Variants in ERBB4 observed in about 807,000 individuals in gnomAD.
ERBB4 encodes the protein erb-b2 receptor tyrosine kinase 4, also known as receptor tyrosine-protein kinase erbB-4.
A neutral mutation model predicts 158.0 loss-of-function variants in ERBB4; 42 were observed. The observed-to-expected ratio is 0.27, with a 90% CI of 0.21 to 0.34. ERBB4 has a LOEUF of 0.34. Among genes scored for constraint, ERBB4 ranks in the 10% least tolerant of loss-of-function variants. The probability of loss-of-function intolerance (pLI) is 1.00; values close to 1 mark genes in which losing one functional copy is unlikely to be tolerated. For missense variants in ERBB4, 1,333 were observed against 1,624.1 expected (o/e 0.82, Z 3.08); for synonymous variants, 583 against 558.7 (o/e 1.04, Z -0.61).
intron 1 of ERBB4, among the ~76,000 whole-genome samples, chr2:212,222,266 G>A (rs1344343096): frequency 6.6e-6 from 1 of 151,336 alleles, no homozygotes; most frequent in Admixed American, 6.6e-5. Context: ...ACGGGTTAAT[G>A]GTCAAAATCA....
At chr2:212,228,563 C>G (rs931643720) in intron 1 of ERBB4, among the ~76,000 whole-genome samples, 1 of 152,036 alleles carries the variant, frequency 6.6e-6, no homozygotes, top group South Asian at 2.1e-4. Context: ...TAGCACTGCC[C>G]AGAATTATAA....
chr2:212,345,293 C>T (rs1008678229), intron 1 of ERBB4, among the ~76,000 whole-genome samples: 6 of 108,880 alleles, frequency 5.5e-5, no homozygotes, highest in Admixed American at 1.8e-4. Context: ...AAACACATTG[C>T]CTAGCATGTA....
At chr2:211,537,663 C>T (rs373589476) in intron 20 of ERBB4, among the ~76,000 whole-genome samples, 4 of 151,992 alleles carry the variant, frequency 2.6e-5, no homozygotes, top group African/African-American at 9.6e-5. Flanking sequence ...AAGATAAATA[C>T]AGCTTCCAAA....
At chr2:212,037,761 T>G (rs904640857) in intron 2 of ERBB4, among the ~76,000 whole-genome samples, 1 of 152,204 alleles carries the variant, frequency 6.6e-6, no homozygotes, top group Non-Finnish European at 1.5e-5. Flanking sequence ...AATTAAAAAT[T>G]AATCTTTTCT....
At chr2:211,557,598 T>C (rs1414289396) in intron 20 of ERBB4, among the ~76,000 whole-genome samples, 1 of 151,482 alleles carries the variant, frequency 6.6e-6, no homozygotes, top group East Asian at 1.9e-4. Flanking sequence ...GCTGGTGAGG[T>C]TGTGATGAAA....
At chr2:212,178,881 G>A (rs2081764223) in intron 1 of ERBB4, among the ~76,000 whole-genome samples, 1 of 151,598 alleles carries the variant, frequency 6.6e-6, no homozygotes, top group South Asian at 2.1e-4. Context: ...CTAGATAAAG[G>A]TATTGCAAAC....
chr2:212,316,108 T>A (rs752122617), intron 1 of ERBB4, among the ~76,000 whole-genome samples: 1 of 151,490 alleles, frequency 6.6e-6, no homozygotes, highest in Non-Finnish European at 1.5e-5. Context: ...AAAACAATTA[T>A]CCCTGAGAAA....
chr2:211,868,809 T>A (rs2078271751), intron 3 of ERBB4, among the ~76,000 whole-genome samples: 2 of 151,982 alleles, frequency 1.3e-5, no homozygotes, highest in Admixed American at 1.3e-4. Flanking sequence ...TCACTGGATC[T>A]CTCAATATTT....
At chr2:211,540,581 G>T (rs963741439) in intron 20 of ERBB4, among the ~76,000 whole-genome samples, 1 of 149,904 alleles carries the variant, frequency 6.7e-6, no homozygotes, top group East Asian at 2.0e-4. Flanking sequence ...TTGTTTTTTT[G>T]GAGACAGAGT....
chr2:212,372,144 C>T (rs1247003734), intron 1 of ERBB4, among the ~76,000 whole-genome samples: 1 of 151,896 alleles, frequency 6.6e-6, no homozygotes, highest in Non-Finnish European at 1.5e-5. Flanking sequence ...TCTCGTAGCC[C>T]CCTTTTCCTT....
intron 26 of ERBB4, among the ~76,000 whole-genome samples, chr2:211,387,485 G>A (rs1559117596): frequency 6.6e-6 from 1 of 152,132 alleles, no homozygotes. Flanking sequence ...TATGATAAAT[G>A]CAAGTGTCAT....
chr2:212,213,056 A>G (rs1311553145), intron 1 of ERBB4, among the ~76,000 whole-genome samples: 1 of 152,156 alleles, frequency 6.6e-6, no homozygotes, highest in Non-Finnish European at 1.5e-5. Context: ...ACGAAAGCCA[A>G]AATTGACAAA....
At chr2:211,690,067 ATATT>A (rs2072740565) in intron 12 of ERBB4, among the ~76,000 whole-genome samples, 1 of 148,428 alleles carries the variant, frequency 6.7e-6, no homozygotes, top group Admixed American at 6.8e-5. Context: ...AATGTAATAT[ATATT>A]ATGTATAATA....
At chr2:211,593,644 T>C (rs1293344556) in intron 19 of ERBB4, among the ~76,000 whole-genome samples, 1 of 152,240 alleles carries the variant, frequency 6.6e-6, no homozygotes, top group South Asian at 2.1e-4. Context: ...TTTACACTTG[T>C]ATCTGTTGTC....
intron 1 of ERBB4, among the ~76,000 whole-genome samples, chr2:212,485,623 A>C (rs573231209): frequency 2.6e-5 from 4 of 152,342 alleles, no homozygotes; most frequent in African/African-American, 9.6e-5. Flanking sequence ...TAAAAACTAC[A>C]ATAGTTTTCA....
intron 3 of ERBB4, among the ~76,000 whole-genome samples, chr2:211,847,296 A>G (rs1227908699): frequency 6.6e-6 from 1 of 152,182 alleles, no homozygotes; most frequent in Non-Finnish European, 1.5e-5. Flanking sequence ...GTGAATTATC[A>G]TAGTCCTATA....
Position 211,819,792 on chromosome 2 carries a change from G to A in ERBB4, c.422-31633C>T, listed in dbSNP as rs1347044058. 2.0e-5 allele frequency among the ~76,000 whole-genome samples: 3 copies of A among 151,826 alleles called. No individual in the cohort carries two copies. The East Asian group carries it at 5.8e-4, about 29-fold the overall frequency. On this transcript the variant is annotated intron_variant, in intron 3 of 27. Coordinates refer to ENST00000342788, the MANE Select transcript of ERBB4 (RefSeq NM_005235.3). ...TAGAGGTGAAAAAAACAGTAAGGAGGGTATTGCAATAGCCTGAGGAGAGTG... is the reference window on the plus strand; with the variant it reads ...TAGAGGTGAAAAAAACAGTAAGGAGAGTATTGCAATAGCCTGAGGAGAGTG...
intron 19 of ERBB4, among the ~76,000 whole-genome samples, chr2:211,566,414 G>T (rs1412536510): frequency 1.3e-5 from 2 of 152,130 alleles, no homozygotes; most frequent in Non-Finnish European, 2.9e-5. Context: ...CTGCTTGGGG[G>T]GCCAGGGTTT....
chr2:211,995,182 C>T (rs1211631251), intron 2 of ERBB4, among the ~76,000 whole-genome samples: 4 of 152,122 alleles, frequency 2.6e-5, no homozygotes, highest in African/African-American at 4.8e-5. Flanking sequence ...TTTGTAACAG[C>T]TTTATTCAAT....
Sources: allele counts gnomAD v4.1 joint callset (sites outside exome capture counted in the v4.1 genomes callset), GRCh38; gene constraint gnomAD v4.1.1; transcripts MANE v1.5; gene names NCBI Gene and HGNC (gene_info 2026-07-23, HGNC 2026-07-21).